The following BCKDHB variants were observed in gnomAD, a reference collection of about 807,000 sequenced individuals.
BCKDHB encodes the protein branched chain keto acid dehydrogenase E1 subunit beta, also known as 2-oxoisovalerate dehydrogenase subunit beta, mitochondrial.
In BCKDHB, 41 loss-of-function variants were observed where a neutral mutation model predicts 48.5. The observed-to-expected ratio is 0.85, with a 90% CI of 0.66 to 1.10. The LOEUF is 1.10. BCKDHB is among the 50% of genes least tolerant of loss of function. BCKDHB has a pLI of 0.00. For missense variants in BCKDHB, 496 were observed against 494.2 expected (o/e 1.00, Z -0.03); for synonymous variants, 201 against 174.8 (o/e 1.15, Z -1.18).
intron 8 of BCKDHB, among the ~76,000 whole-genome samples, chr6:80,257,203 G>A (rs949271443): frequency 2.0e-5 from 3 of 151,862 alleles, no homozygotes; most frequent in Middle Eastern, 3.2e-3. Context: ...CCTGTCATAG[G>A]GCTTCTAGTC....
chr6:80,372,103 C>A, the BCKDHB span, among the ~76,000 whole-genome samples: 1 of 151,854 alleles, frequency 6.6e-6, no homozygotes, highest in Non-Finnish European at 1.5e-5. Context: ...ATGATTCTAC[C>A]CACCCGTAAG....
chr6:80,175,982 G>A (rs1282254503), intron 6 of BCKDHB, among the ~76,000 whole-genome samples: 1 of 152,162 alleles, frequency 6.6e-6, no homozygotes, highest in African/African-American at 2.4e-5. Context: ...CAGTGGATTG[G>A]AACTTAGGTC....
At chr6:80,337,015 A>G (rs1006946833) in intron 9 of BCKDHB, among the ~76,000 whole-genome samples, 3 of 152,132 alleles carry the variant, frequency 2.0e-5, no homozygotes, top group Non-Finnish European at 4.4e-5. Flanking sequence ...ATGAAAAATA[A>G]TATTTTACAT....
At chr6:80,453,944 GT>G in the BCKDHB span, among the ~76,000 whole-genome samples, 1 of 152,064 alleles carries the variant, frequency 6.6e-6, no homozygotes. Context: ...CTGCTGCCTT[GT>G]TTTTCCACAA....
At chr6:80,284,324 C>T (rs562238510) in intron 9 of BCKDHB, among the ~76,000 whole-genome samples, 1 of 152,134 alleles carries the variant, frequency 6.6e-6, no homozygotes, top group East Asian at 1.9e-4. Flanking sequence ...ACTGCAAAAA[C>T]AAGAATTTGA....
intron 8 of BCKDHB, among the ~76,000 whole-genome samples, chr6:80,272,125 A>G (rs916045847): frequency 1.6e-4 from 24 of 152,134 alleles, no homozygotes; most frequent in Non-Finnish European, 2.6e-4. Context: ...CTATTTACCT[A>G]GTAGATATGG....
At chr6:80,305,759 C>T (rs1767842374) in intron 9 of BCKDHB, among the ~76,000 whole-genome samples, 1 of 152,176 alleles carries the variant, frequency 6.6e-6, no homozygotes, top group African/African-American at 2.4e-5. Flanking sequence ...CTGATGACAC[C>T]TGTTCTGCCT....
At chr6:80,407,965 AT>A in the BCKDHB span, among the ~76,000 whole-genome samples, 1 of 152,236 alleles carries the variant, frequency 6.6e-6, no homozygotes, top group South Asian at 2.1e-4. Context: ...AGTTTTTCCC[AT>A]TCAGTATGAT....
At chr6:80,277,575 T>G (rs1373307248) in intron 9 of BCKDHB, among the ~76,000 whole-genome samples, 1 of 152,002 alleles carries the variant, frequency 6.6e-6, no homozygotes, top group Non-Finnish European at 1.5e-5. Flanking sequence ...TTTTTTAAAG[T>G]TATTGTTTAT....
At chr6:80,231,914 G>A (rs1042928443) in intron 8 of BCKDHB, among the ~76,000 whole-genome samples, 2 of 152,208 alleles carry the variant, frequency 1.3e-5, no homozygotes, top group African/African-American at 4.8e-5. Context: ...GCAATGAGCC[G>A]AGATTGCGCC....
chr6:80,266,719 G>A (rs1287334706), intron 8 of BCKDHB, among the ~76,000 whole-genome samples: 1 of 152,010 alleles, frequency 6.6e-6, no homozygotes, highest in African/African-American at 2.4e-5. Context: ...TAGAGCTTAG[G>A]TTATAGGACT....
chr6:80,464,765 G>C, the BCKDHB span, among the ~76,000 whole-genome samples: 22 of 152,300 alleles, frequency 1.4e-4, no homozygotes, highest in African/African-American at 4.3e-4. Flanking sequence ...CTGTATTCTA[G>C]GATAGTGAAG....
At chr6:80,188,546 G>T (rs1265466882) in intron 6 of BCKDHB, among the ~76,000 whole-genome samples, 1 of 152,026 alleles carries the variant, frequency 6.6e-6, no homozygotes, top group African/African-American at 2.4e-5. Context: ...GGTTGAGATG[G>T]GAAGATCACT....
chr6:80,128,454 C>T (rs1770454801), intron 2 of BCKDHB, among the ~76,000 whole-genome samples: 1 of 152,086 alleles, frequency 6.6e-6, no homozygotes, highest in African/African-American at 2.4e-5. Flanking sequence ...GACTAGCATT[C>T]AGCTCTATGA....
chr6:80,367,732 C>T, the BCKDHB span, among the ~76,000 whole-genome samples: 8 of 152,308 alleles, frequency 5.3e-5, no homozygotes, highest in South Asian at 1.2e-3. Context: ...GAAACATGTA[C>T]CTGGTACTCA....
intron 9 of BCKDHB, among the ~76,000 whole-genome samples, chr6:80,303,105 A>T (rs903097695): frequency 6.6e-6 from 1 of 152,124 alleles, no homozygotes; most frequent in Non-Finnish European, 1.5e-5. Flanking sequence ...CTATTACCTG[A>T]ACTCAAAGGG....
chr6:80,332,815 A>C (rs1414463423), intron 9 of BCKDHB, among the ~76,000 whole-genome samples: 1 of 152,028 alleles, frequency 6.6e-6, no homozygotes, highest in Non-Finnish European at 1.5e-5. Flanking sequence ...TTTAGAACTC[A>C]AGTGGCAGCT....
the BCKDHB span, among the ~76,000 whole-genome samples, chr6:80,401,142 C>A: frequency 2.0e-5 from 3 of 147,032 alleles, no homozygotes; most frequent in East Asian, 5.8e-4. Context: ...TGACAAAATA[C>A]CCTGTACAAC....
intron 9 of BCKDHB, among the ~76,000 whole-genome samples, chr6:80,283,849 A>T (rs921365900): frequency 1.3e-5 from 2 of 152,168 alleles, no homozygotes; most frequent in Non-Finnish European, 2.9e-5. Context: ...GTTATTTAAA[A>T]TTTTATACAT....
Sources: gnomAD v4.1 joint callset for allele counts (sites outside exome capture counted in the v4.1 genomes callset) on GRCh38, gnomAD v4.1.1 for gene constraint, MANE v1.5 for transcripts, NCBI Gene and HGNC (gene_info 2026-07-23, HGNC 2026-07-21) for gene names.